Variants in FILIP1 observed in about 807,000 individuals in gnomAD.
The protein encoded by FILIP1 is filamin-A-interacting protein 1.
In FILIP1, 61 loss-of-function variants were observed where a neutral mutation model predicts 102.1. That is an observed-to-expected ratio of 0.60 (90% CI 0.49 to 0.74). The LOEUF is 0.74. Ranked by LOEUF, FILIP1 falls within the 30% of genes least tolerant of loss-of-function variation. The pLI, the probability that FILIP1 is intolerant of heterozygous loss-of-function variation, is 0.00. For missense variants in FILIP1, 1,314 were observed against 1,441.2 expected (o/e 0.91, Z 1.43); for synonymous variants, 491 against 526.9 (o/e 0.93, Z 0.93).
chr6:75,454,883 GA>G (rs1445689370), intron 1 of FILIP1: 2 of 152,142 alleles, frequency 1.3e-5, no homozygotes, highest in Non-Finnish European at 2.9e-5. Flanking sequence ...CAAGGAACAA[GA>G]AATGTTTGTT....
At chr6:75,365,006 A>T (rs2149615676) in intron 2 of FILIP1, among the ~76,000 whole-genome samples, 1 of 152,330 alleles carries the variant, frequency 6.6e-6, no homozygotes, top group South Asian at 2.1e-4. Context: ...AGGAAAATTT[A>T]GAATCACATT....
Position 75,314,769 on chromosome 6 carries a change from C to T in FILIP1, c.1063G>A (p.Ala355Thr). 2 of 1,614,158 alleles carry T rather than the reference C, an allele frequency of 1.2e-6. No homozygotes were observed. Among genetic ancestry groups the T allele is most frequent in the Non-Finnish European group, 1.7e-6 (2 of 1,180,024 alleles). ...CTTAATTCTTGAAGTTCTTCCTCTG[C>T]CTTCTGCAGATTTTTGTTGGTCTCT... Reference protein sequence around the residue: ...LEETNKNLQKAEEELQELRDK... With the variant: ...LEETNKNLQKTEEELQELRDK... The change falls in exon 5 of 6, where the codon GCA becomes ACA. Residue 355 changes from alanine (A) to threonine (T), a missense_variant. Transcript: ENST00000237172.
intron 1 of FILIP1, among the ~76,000 whole-genome samples, chr6:75,490,461 T>A (rs1049663963): frequency 6.6e-6 from 1 of 152,118 alleles, no homozygotes; most frequent in African/African-American, 2.4e-5. Context: ...AGAAAAAGGA[T>A]CATAACGTAT....
chr6:75,393,526 A>C (rs1296185584), intron 2 of FILIP1, among the ~76,000 whole-genome samples: 1 of 152,196 alleles, frequency 6.6e-6, no homozygotes, highest in Non-Finnish European at 1.5e-5. Flanking sequence ...GTAAAAACAT[A>C]TTATGCTACA....
intron 2 of FILIP1, among the ~76,000 whole-genome samples, chr6:75,404,262 C>T (rs777419003): frequency 6.6e-6 from 1 of 152,112 alleles, no homozygotes; most frequent in Non-Finnish European, 1.5e-5. Context: ...AACAAAACAA[C>T]ACTGCCGTAC....
At chr6:75,409,407 T>C (rs1562560659) in intron 2 of FILIP1, among the ~76,000 whole-genome samples, 1 of 152,164 alleles carries the variant, frequency 6.6e-6, no homozygotes, top group Non-Finnish European at 1.5e-5. Flanking sequence ...GTGAGAGGAC[T>C]CTAGCATGGC....
At chr6:75,294,863 CTTTTTTTTTTTTTTTTT>C (rs11299703) in exon 7 of FILIP1, 2 of 90,536 alleles carry the variant, frequency 2.2e-5, no homozygotes, top group Non-Finnish European at 4.2e-5. Context: ...CAGCTAACTT[CTTTTTTTTTTTTTTTTT>C]TTTTTTTTTT....
In FILIP1 at chr6:75,314,097, A is replaced by T; in HGVS notation, c.1735T>A (p.Leu579Met). The change falls in exon 5 of 6, where the codon TTG becomes ATG. Residue 579 changes from leucine to methionine, a missense_variant. Leu to Met is a conservative substitution (Grantham distance 15). Coordinates refer to ENST00000237172, the MANE Select transcript of FILIP1 (RefSeq NM_015687.5). Reference sequence around the variant, plus strand: ...GAGGATTTTTCTTCTTCACTTTTCAATTTGCCTATCAACTCATCTCTTTCT... The same window carrying T: ...GAGGATTTTTCTTCTTCACTTTTCATTTTGCCTATCAACTCATCTCTTTCT... ...TRERDELIGK[L>M]KSEEEKSSEL... 6.7e-7 allele frequency: 1 copy of T among 1,502,250 alleles called. No individual in the cohort carries two copies. The highest frequency in any genetic ancestry group is 8.8e-7 in the Non-Finnish European group (1 of 1,133,578). 93.1% of individuals were successfully genotyped at this position (1,502,250 alleles called of 1,614,324 possible).
intron 1 of FILIP1, among the ~76,000 whole-genome samples, chr6:75,435,834 C>CT (rs1324214667): frequency 6.6e-6 from 1 of 152,224 alleles, no homozygotes; most frequent in African/African-American, 2.4e-5. Flanking sequence ...GTTTAAACCA[C>CT]TCAAACTTCT....
At chr6:75,363,324 G>T (rs905064003) in intron 2 of FILIP1, among the ~76,000 whole-genome samples, 1 of 152,042 alleles carries the variant, frequency 6.6e-6, no homozygotes, top group Non-Finnish European at 1.5e-5. Flanking sequence ...TTCAAATCTG[G>T]TTTAAAATAA....
chr6:75,456,275 C>A (rs1261306316), intron 1 of FILIP1, among the ~76,000 whole-genome samples: 1 of 152,176 alleles, frequency 6.6e-6, no homozygotes, highest in African/African-American at 2.4e-5. Context: ...CAGCCCCCCA[C>A]CCCAACAACA....
At chr6:75,487,299 C>G (rs1294383668) in intron 1 of FILIP1, among the ~76,000 whole-genome samples, 1 of 152,092 alleles carries the variant, frequency 6.6e-6, no homozygotes, top group African/African-American at 2.4e-5. Flanking sequence ...CTTTGTTTTC[C>G]ATTAGTGTGT....
intron 1 of FILIP1, chr6:75,455,248 G>C (rs1479291247): frequency 6.6e-6 from 1 of 152,116 alleles, no homozygotes; most frequent in Non-Finnish European, 1.5e-5. Flanking sequence ...GAGGAGCCCA[G>C]GTTTAAAAGC....
At chr6:75,435,481 A>G (rs989926378) in intron 1 of FILIP1, among the ~76,000 whole-genome samples, 3 of 152,238 alleles carry the variant, frequency 2.0e-5, no homozygotes, top group Non-Finnish European at 2.9e-5. Context: ...CCACATTTTT[A>G]TGCCTCTGCT....
intron 2 of FILIP1, among the ~76,000 whole-genome samples, chr6:75,412,894 C>T (rs1018840348): frequency 6.6e-6 from 1 of 152,130 alleles, no homozygotes; most frequent in Admixed American, 6.6e-5. Flanking sequence ...TAAATGATGT[C>T]TTGCACTTTT....
chr6:75,421,513 G>C (rs888038582), intron 1 of FILIP1, among the ~76,000 whole-genome samples: 1 of 152,096 alleles, frequency 6.6e-6, no homozygotes. Context: ...CCTCAAACTT[G>C]AGGCTGGAAC....
intron 2 of FILIP1, among the ~76,000 whole-genome samples, chr6:75,403,323 A>G (rs2703708): frequency 0.74 from 112,646 of 151,628 alleles, 42,433 homozygotes; most frequent in African/African-American, 0.88. Context: ...AGACCAGCCT[A>G]GGCAACATCG....
chr6:75,363,130 A>C, intron 2 of FILIP1: 1 of 516,534 alleles, frequency 1.9e-6, no homozygotes. Context: ...GGCAAGCAGA[A>C]AAAAGGATTT....
At position 75,312,455 on chromosome 6, in the gene FILIP1, G is replaced by A. The variant is rs35227190; in HGVS notation, c.3377C>T (p.Thr1126Met). 4,451 of 1,614,112 alleles carry A rather than the reference G, an allele frequency of 2.8e-3. 28 individuals carry two copies. The highest frequency in any genetic ancestry group is 0.017 in the African/African-American group (1,246 of 74,996). The change falls in exon 5 of 6, where the codon ACG becomes ATG. Residue 1126 changes from threonine to methionine, a missense_variant. Physicochemically the swap from Thr to Met is moderately conservative, Grantham distance 81. Coordinates refer to ENST00000237172, the MANE Select transcript of FILIP1 (RefSeq NM_015687.5). ...GACCGGTGTTATGGTGATAGTGCTC[G>A]TCACTTTGCTTGCACCAGGCCGTGA... Reference protein sequence around the residue: ...LSSRPGASKVTSTITITPVTT... With the variant: ...LSSRPGASKVMSTITITPVTT...
Sources: allele counts gnomAD v4.1 joint callset (sites outside exome capture counted in the v4.1 genomes callset), GRCh38; gene constraint gnomAD v4.1.1; transcripts MANE v1.5; gene names NCBI Gene and HGNC (gene_info 2026-07-23, HGNC 2026-07-21).